The following CBLB variants were observed in gnomAD, a reference collection of about 807,000 sequenced individuals.
The protein encoded by CBLB is Cbl proto-oncogene B, also known as E3 ubiquitin-protein ligase CBL-B.
CBLB carries 31 observed loss-of-function variants against 104.9 expected under a neutral mutation model. The observed-to-expected ratio is 0.30, with a 90% confidence interval of 0.22 to 0.40. The LOEUF (loss-of-function observed/expected upper bound fraction) is 0.40. Among genes scored for constraint, CBLB ranks in the 10% least tolerant of loss-of-function variants. The pLI, the probability that CBLB is intolerant of heterozygous loss-of-function variation, is 1.00. For missense variants in CBLB, 1,062 were observed against 1,214.6 expected (o/e 0.87, Z 1.87); for synonymous variants, 440 against 422.6 (o/e 1.04, Z -0.51).
intron 3 of CBLB, among the ~76,000 whole-genome samples, chr3:105,812,501 C>T (rs574089962): frequency 3.3e-5 from 5 of 152,190 alleles, no homozygotes; most frequent in South Asian, 4.1e-4. Flanking sequence ...GAGGAAGATA[C>T]GATCTAAACA....
chr3:105,683,597 C>T (rs942858720), intron 14 of CBLB, among the ~76,000 whole-genome samples: 3 of 152,134 alleles, frequency 2.0e-5, no homozygotes, highest in Non-Finnish European at 2.9e-5. Context: ...AAAAAAAGCT[C>T]ATCCTACTTT....
chr3:105,681,316 G>T, intron 16 of CBLB, 163 bp downstream of exon 16: 1 of 657,910 alleles, frequency 1.5e-6, no homozygotes. Context: ...ATGGAGTAAT[G>T]GTCTCGTGAA....
intron 18 of CBLB, among the ~76,000 whole-genome samples, chr3:105,666,089 T>C (rs1323500846): frequency 1.3e-5 from 2 of 151,946 alleles, no homozygotes; most frequent in African/African-American, 4.8e-5. Context: ...CTATAGTAAA[T>C]GCTTAACAAA....
At chr3:105,760,465 A>T (rs1367492338) in intron 4 of CBLB, among the ~76,000 whole-genome samples, 1 of 152,184 alleles carries the variant, frequency 6.6e-6, no homozygotes, top group African/African-American at 2.4e-5. Context: ...CATGAGATAC[A>T]GCAGCTCATG....
At chr3:105,718,863 C>T (rs2072328730) in intron 10 of CBLB, among the ~76,000 whole-genome samples, 1 of 152,200 alleles carries the variant, frequency 6.6e-6, no homozygotes, top group African/African-American at 2.4e-5. Flanking sequence ...ATTGGGATTT[C>T]ATGTATCTTC....
At chr3:105,666,761 ACT>A (rs1471244519) in intron 18 of CBLB, among the ~76,000 whole-genome samples, 13 of 152,160 alleles carry the variant, frequency 8.5e-5, no homozygotes, top group Non-Finnish European at 1.5e-4. Flanking sequence ...CTTCACATAC[ACT>A]GTTTTAAATA....
intron 4 of CBLB, among the ~76,000 whole-genome samples, chr3:105,766,494 A>T (rs2152942276): frequency 6.6e-6 from 1 of 152,310 alleles, no homozygotes; most frequent in African/African-American, 2.4e-5. Context: ...CTGCTGCCTA[A>T]TTTTAAGAAA....
chr3:105,688,645 C>A (rs1162441667), intron 13 of CBLB, among the ~76,000 whole-genome samples: 1 of 151,974 alleles, frequency 6.6e-6, no homozygotes, highest in Non-Finnish European at 1.5e-5. Flanking sequence ...ATTACATTAT[C>A]CCAATCCTAA....
At chr3:105,710,785 C>T (rs1022033283) in intron 10 of CBLB, among the ~76,000 whole-genome samples, 1 of 151,870 alleles carries the variant, frequency 6.6e-6, no homozygotes, top group Non-Finnish European at 1.5e-5. Flanking sequence ...ACATACTCAT[C>T]CTTTTGCTTT....
At chr3:105,840,697 T>C (rs1326201714) in intron 3 of CBLB, among the ~76,000 whole-genome samples, 1 of 152,080 alleles carries the variant, frequency 6.6e-6, no homozygotes. Context: ...CACAGGAAAA[T>C]GGAATTGGAC....
rs57437357 is a variant in CBLB at position 105,763,650 on chromosome 3, T to C, written c.567-12032A>G. 9.3e-3 allele frequency among the ~76,000 whole-genome samples: 1,423 copies of C among 152,326 alleles called. 24 individuals carry two copies. The highest frequency in any genetic ancestry group is 0.032 in the African/African-American group (1,349 of 41,564). On this transcript the variant is annotated intron_variant, in intron 4 of 18. Coordinates refer to ENST00000394030, the MANE Select transcript of CBLB (RefSeq NM_170662.5). ...TATAAATTAGTCTCAGGTAGGTCTT[T>C]ATCAGCAGCATGAGAACAGACTAAT...
At chr3:105,858,322 C>A (rs140279402) in intron 2 of CBLB, among the ~76,000 whole-genome samples, 1 of 152,122 alleles carries the variant, frequency 6.6e-6, no homozygotes, top group Admixed American at 6.5e-5. Context: ...AAATTCAATT[C>A]CATTCAATAA....
At chr3:105,790,791 T>C (rs2081542485) in intron 3 of CBLB, among the ~76,000 whole-genome samples, 1 of 152,250 alleles carries the variant, frequency 6.6e-6, no homozygotes, top group Admixed American at 6.5e-5. Flanking sequence ...TGTAGACCAG[T>C]ATGGCAATAT....
intron 16 of CBLB, among the ~76,000 whole-genome samples, chr3:105,679,335 TTAAAAA>T (rs1165511874): frequency 0.02 from 1,490 of 75,162 alleles, 13 homozygotes; most frequent in Middle Eastern, 0.071. Flanking sequence ...CCTTGAGTCT[TTAAAAA>T]AAAAAAAAAA....
At chr3:105,732,892 G>C (rs2074473324) in intron 9 of CBLB, among the ~76,000 whole-genome samples, 1 of 152,208 alleles carries the variant, frequency 6.6e-6, no homozygotes, top group East Asian at 1.9e-4. Flanking sequence ...TTAAAGACTA[G>C]AAAATTTAAT....
chr3:105,829,332 G>A (rs1867195), intron 3 of CBLB, among the ~76,000 whole-genome samples: 100,901 of 151,922 alleles, frequency 0.66, 34,772 homozygotes, highest in Middle Eastern at 0.8. Context: ...TTTTGTCACA[G>A]TAAAGGCAAG....
At chr3:105,838,965 A>C (rs539145145) in intron 3 of CBLB, among the ~76,000 whole-genome samples, 1 of 152,252 alleles carries the variant, frequency 6.6e-6, no homozygotes, top group Non-Finnish European at 1.5e-5. Flanking sequence ...TGGTAGTATA[A>C]AGGAAGCTTA....
chr3:105,834,898 T>C (rs1468597758), intron 3 of CBLB, among the ~76,000 whole-genome samples: 1 of 152,184 alleles, frequency 6.6e-6, no homozygotes, highest in East Asian at 1.9e-4. Flanking sequence ...GAAAAGATCA[T>C]CCATGGGACA....
Position 105,859,538 on chromosome 3 carries a change from C to T in CBLB, c.169-5874G>A, listed in dbSNP as rs576416588. Among the ~76,000 whole-genome samples, 67 of 151,908 alleles carry T rather than the reference C, an allele frequency of 4.4e-4. 1 individual carries two copies. The South Asian group carries it at 0.014, about 31-fold the overall frequency. The stretch of plus-strand genomic sequence containing the variant: ...GGTGTGGTGGCAGGCGCCTGTAGTC[C>T]CAGGAACTTGGGAGGCTGAGGCAGG... On this transcript the variant is annotated intron_variant, in intron 2 of 18. Coordinates refer to ENST00000394030, the MANE Select transcript of CBLB (RefSeq NM_170662.5).
Sources: gnomAD v4.1 joint callset for allele counts (sites outside exome capture counted in the v4.1 genomes callset) on GRCh38, gnomAD v4.1.1 for gene constraint, MANE v1.5 for transcripts, NCBI Gene and HGNC (gene_info 2026-07-23, HGNC 2026-07-21) for gene names.